Variants in GPHN observed in about 807,000 individuals in gnomAD.
The protein encoded by GPHN is gephyrin.
GPHN carries 17 observed loss-of-function variants against 95.5 expected under a neutral mutation model. The observed-to-expected ratio is 0.18, with a 90% CI of 0.12 to 0.27. The LOEUF is 0.27. Among genes scored for constraint, GPHN ranks in the 10% least tolerant of loss-of-function variants. GPHN has a pLI of 1.00. For synonymous variants in GPHN, 320 were observed against 322.5 expected, an observed-to-expected ratio of 0.99 and a Z score of 0.08; for missense variants, 660 against 978.1, an observed-to-expected ratio of 0.67 and a Z score of 4.34.
intron 2 of GPHN, among the ~76,000 whole-genome samples, chr14:66,726,726 C>T (rs1463120508): frequency 6.6e-6 from 1 of 152,060 alleles, no homozygotes; most frequent in African/African-American, 2.4e-5. Context: ...CACAGATTGA[C>T]CCTCCCTCAT....
At chr14:67,056,139 C>T (rs1276819912) in intron 10 of GPHN, among the ~76,000 whole-genome samples, 1 of 152,248 alleles carries the variant, frequency 6.6e-6, no homozygotes, top group Non-Finnish European at 1.5e-5. Context: ...GGGCAGCCTG[C>T]TTTTATTCCC....
the GPHN span, among the ~76,000 whole-genome samples, chr14:67,351,947 ATTGTC>A: frequency 6.6e-6 from 1 of 151,240 alleles, no homozygotes; most frequent in African/African-American, 2.4e-5. Context: ...AGAAAATCAA[ATTGTC>A]AATAAGCATG....
At chr14:67,575,934 C>G in the GPHN span, 1 of 1,613,880 alleles carries the variant, frequency 6.2e-7, no homozygotes, top group Non-Finnish European at 8.5e-7. Context: ...GCTTTCCTCC[C>G]ACTGCACCCT....
intron 2 of GPHN, among the ~76,000 whole-genome samples, chr14:66,688,537 CT>C (rs2067553582): frequency 6.6e-6 from 1 of 152,054 alleles, no homozygotes; most frequent in African/African-American, 2.4e-5. Flanking sequence ...TATTTTTTAC[CT>C]TGATTTTCTG....
intron 3 of GPHN, among the ~76,000 whole-genome samples, chr14:66,815,674 G>T (rs565077838): frequency 2.5e-4 from 38 of 152,280 alleles, no homozygotes; most frequent in African/African-American, 8.9e-4. Flanking sequence ...ACTAAGTGTG[G>T]AAAGGAAAGA....
Position 66,674,467 on chromosome 14 carries a change from C to G in GPHN, c.65-6640C>G, listed in dbSNP as rs529728986. On this transcript the variant is annotated intron_variant, in intron 1 of 22. Coordinates refer to ENST00000478722, the MANE Select transcript of GPHN (RefSeq NM_020806.5). ...TCTTCCCATCCTTCCCTACCCACTC[C>G]CCTTCTAAGCCTCTAGCAACCACAA... 5.9e-5 allele frequency among the ~76,000 whole-genome samples: 9 copies of G among 152,242 alleles called. No individual in the cohort carries two copies. In the South Asian group the frequency reaches 1.2e-3, roughly 21 times the overall value.
At chr14:67,149,926 A>G (rs1359660774) in intron 18 of GPHN, among the ~76,000 whole-genome samples, 2 of 152,320 alleles carry the variant, frequency 1.3e-5, no homozygotes, top group Non-Finnish European at 2.9e-5. Flanking sequence ...GTTACTAACT[A>G]TATAGTTTTA....
At chr14:67,058,418 A>G (rs987371265) in intron 10 of GPHN, among the ~76,000 whole-genome samples, 1 of 152,214 alleles carries the variant, frequency 6.6e-6, no homozygotes, top group African/African-American at 2.4e-5. Flanking sequence ...AAGTCAGTTC[A>G]TTGAACATGT....
the GPHN span, among the ~76,000 whole-genome samples, chr14:67,486,568 C>T: frequency 2.6e-5 from 4 of 152,166 alleles, no homozygotes; most frequent in African/African-American, 7.2e-5. Context: ...CCACAGTGCC[C>T]GGCTGATCTG....
the GPHN span, among the ~76,000 whole-genome samples, chr14:67,297,521 T>C: frequency 1.3e-5 from 2 of 152,212 alleles, no homozygotes; most frequent in Non-Finnish European, 2.9e-5. Context: ...ATTGCGAATC[T>C]ACTGAAGAAT....
the GPHN span, among the ~76,000 whole-genome samples, chr14:67,730,665 T>A: frequency 0.96 from 146,069 of 152,282 alleles, 70,288 homozygotes; most frequent in East Asian, 1. Context: ...GGGCAATGGC[T>A]TGATCTTGGC....
chr14:67,208,277 A>G, the GPHN span: 2 of 1,614,054 alleles, frequency 1.2e-6, no homozygotes, highest in Non-Finnish European at 1.7e-6. Context: ...AGAATCCTCA[A>G]AACATGTCAC....
At chr14:67,376,229 G>C in the GPHN span, among the ~76,000 whole-genome samples, 1 of 152,182 alleles carries the variant, frequency 6.6e-6, no homozygotes, top group Non-Finnish European at 1.5e-5. Flanking sequence ...CAGAGATACT[G>C]TGTTACTGTC....
intron 1 of GPHN, among the ~76,000 whole-genome samples, chr14:66,568,168 A>G (rs1205382104): frequency 6.6e-6 from 1 of 152,224 alleles, no homozygotes; most frequent in Non-Finnish European, 1.5e-5. Context: ...TTATTAGAGC[A>G]TTAATTTTCC....
At chr14:67,335,350 C>T in the GPHN span, 1 of 152,220 alleles carries the variant, frequency 6.6e-6, no homozygotes, top group South Asian at 2.1e-4. Flanking sequence ...AATTCCATTT[C>T]CTGTCCCTCT....
chr14:67,582,983 G>A, the GPHN span, among the ~76,000 whole-genome samples: 1 of 152,146 alleles, frequency 6.6e-6, no homozygotes, highest in Non-Finnish European at 1.5e-5. This position sits in a 1 kb window ranked among gnomAD's most constrained non-coding sequence, Gnocchi z 5.0. Flanking sequence ...CTTAGGAAGA[G>A]GAACACACAT....
At chr14:66,562,819 G>C (rs2060318758) in intron 1 of GPHN, among the ~76,000 whole-genome samples, 1 of 152,110 alleles carries the variant, frequency 6.6e-6, no homozygotes, top group African/African-American at 2.4e-5. Context: ...GAATCGAATA[G>C]TCCTGCCCTT....
intron 21 of GPHN, among the ~76,000 whole-genome samples, chr14:67,177,102 T>C (rs923193969): frequency 3.9e-5 from 6 of 152,348 alleles, no homozygotes; most frequent in African/African-American, 1.4e-4. Context: ...ATCTTAGTTA[T>C]TTCTTGCCTT....
At chr14:67,027,422 C>G (rs923966930) in intron 10 of GPHN, among the ~76,000 whole-genome samples, 47 of 152,098 alleles carry the variant, frequency 3.1e-4, no homozygotes, top group African/African-American at 1.1e-3. Context: ...CCTCCACCTC[C>G]CAGGTTCAAG....
Sources: allele counts gnomAD v4.1 joint callset (sites outside exome capture counted in the v4.1 genomes callset), GRCh38; gene constraint gnomAD v4.1.1; non-coding constraint Gnocchi (gnomAD v3.1); transcripts MANE v1.5; gene names NCBI Gene and HGNC (gene_info 2026-07-23, HGNC 2026-07-21).